The following MUSK variants were observed in gnomAD, a reference collection of about 807,000 sequenced individuals.
MUSK encodes the protein muscle, skeletal receptor tyrosine-protein kinase.
MUSK carries 55 observed loss-of-function variants against 88.7 expected under a neutral mutation model. The observed-to-expected ratio is 0.62, with a 90% confidence interval of 0.50 to 0.78. The LOEUF (loss-of-function observed/expected upper bound fraction) is 0.78, where lower values mean the gene tolerates loss of function less well. MUSK is among the 30% of genes least tolerant of loss of function. The probability of loss-of-function intolerance (pLI) is 0.00; values close to 1 mark genes in which losing one functional copy is unlikely to be tolerated. For missense variants in MUSK, 1,015 were observed against 1,074.3 expected (o/e 0.94, Z 0.77); for synonymous variants, 387 against 391.9 (o/e 0.99, Z 0.15).
intron 5 of MUSK, among the ~76,000 whole-genome samples, chr9:110,700,925 C>T (rs2131730704): frequency 6.6e-6 from 1 of 152,234 alleles, no homozygotes; most frequent in South Asian, 2.1e-4. Context: ...TGGTTACTCT[C>T]CTTAGACAGG....
At chr9:110,787,054 T>C (rs1414546473) in intron 13 of MUSK, among the ~76,000 whole-genome samples, 2 of 152,100 alleles carry the variant, frequency 1.3e-5, no homozygotes, top group Non-Finnish European at 2.9e-5. Flanking sequence ...ATTTAGATTC[T>C]GGACAAAGAT....
rs911320250 is a variant in MUSK at position 110,716,801 on chromosome 9, T to G, written c.629-17450T>G. Among the ~76,000 whole-genome samples, 23 of 150,438 alleles carry G rather than the reference T, an allele frequency of 1.5e-4. 2 individuals carry two copies. Among genetic ancestry groups the G allele is most frequent in the African/African-American group, 5.8e-4 (23 of 39,960 alleles). On this transcript the variant is annotated intron_variant, in intron 5 of 14. Coordinates refer to ENST00000374448, the MANE Select transcript of MUSK (RefSeq NM_005592.4). ...GGCTTTATATGTTTTGAAATTATATTGTTAAGTGCATACACATTAATTATT... is the reference window on the plus strand; with the variant it reads ...GGCTTTATATGTTTTGAAATTATATGGTTAAGTGCATACACATTAATTATT...
At chr9:110,702,910 AT>A (rs139699499) in intron 5 of MUSK, among the ~76,000 whole-genome samples, 12,833 of 151,904 alleles carry the variant, frequency 0.084, 600 homozygotes, top group Non-Finnish European at 0.1. Flanking sequence ...AAAAATAATA[AT>A]AAAAAACCTA....
intron 11 of MUSK, among the ~76,000 whole-genome samples, chr9:110,783,460 A>G (rs2077798095): frequency 6.6e-6 from 1 of 152,054 alleles, no homozygotes; most frequent in South Asian, 2.1e-4. Context: ...GGGGATTAAT[A>G]TGTTCCTATC....
chr9:110,725,039 A>G (rs2131815085), intron 5 of MUSK, among the ~76,000 whole-genome samples: 1 of 152,194 alleles, frequency 6.6e-6, no homozygotes, highest in African/African-American at 2.4e-5. Context: ...GTACACATAT[A>G]TTAACAGTTT....
intron 5 of MUSK, among the ~76,000 whole-genome samples, chr9:110,730,250 G>A (rs2076946026): frequency 6.6e-6 from 1 of 151,956 alleles, no homozygotes. Context: ...CTTACCCACA[G>A]GAAACCAAGT....
chr9:110,678,511 A>AT (rs1554731877), intron 1 of MUSK, among the ~76,000 whole-genome samples: 16 of 151,882 alleles, frequency 1.1e-4, no homozygotes, highest in African/African-American at 3.1e-4. Context: ...TATCTGAAAA[A>AT]CTTTGGGGCA....
At chr9:110,754,491 C>T (rs1355493930) in intron 7 of MUSK, among the ~76,000 whole-genome samples, 1 of 152,172 alleles carries the variant, frequency 6.6e-6, no homozygotes, top group Non-Finnish European at 1.5e-5. Flanking sequence ...TACACCCCCA[C>T]AAAAATAAAA....
At chr9:110,690,191 T>TAA (rs371519925) in intron 3 of MUSK, among the ~76,000 whole-genome samples, 850 of 17,392 alleles carry the variant, frequency 0.049, 67 homozygotes, top group African/African-American at 0.24. Flanking sequence ...TATTTAAGTA[T>TAA]ATATAAATAT....
intron 5 of MUSK, among the ~76,000 whole-genome samples, chr9:110,722,393 GGTGGTACGTGCCTGTA>G (rs1325742866): frequency 6.6e-6 from 1 of 151,992 alleles, no homozygotes; most frequent in African/African-American, 2.4e-5. Context: ...AGCTGGGTGT[GGTGGTACGTGCCTGTA>G]GTCTCAGCTG....
chr9:110,672,264 G>C (rs2075967657), intron 1 of MUSK, among the ~76,000 whole-genome samples: 1 of 152,126 alleles, frequency 6.6e-6, no homozygotes. Context: ...AAAACCTGAT[G>C]TCGTTGAAGG....
At chr9:110,679,974 C>T (rs535293536) in intron 1 of MUSK, among the ~76,000 whole-genome samples, 12 of 152,176 alleles carry the variant, frequency 7.9e-5, no homozygotes, top group African/African-American at 2.4e-4. Context: ...GTTAAAATTG[C>T]AATGGTATTT....
chr9:110,669,025 T>A, intron 1 of MUSK, 42 bp downstream of exon 1: 1 of 1,532,672 alleles, frequency 6.5e-7, no homozygotes, highest in South Asian at 1.1e-5. Context: ...CTTGTCATGG[T>A]TGTAAAGTGT....
chr9:110,722,589 A>C (rs1198618896), intron 5 of MUSK, among the ~76,000 whole-genome samples: 1 of 152,096 alleles, frequency 6.6e-6, no homozygotes, highest in African/African-American at 2.4e-5. Context: ...ACAGCAAAAG[A>C]AATAATCAGC....
chr9:110,748,140 T>C (rs972276452), intron 7 of MUSK: 33 of 394,614 alleles, frequency 8.4e-5, no homozygotes, highest in African/African-American at 5.8e-4. Flanking sequence ...CTTTTTTCCT[T>C]CCTTCTTTCC....
intron 2 of MUSK, among the ~76,000 whole-genome samples, chr9:110,684,182 T>C (rs1810986820): frequency 6.6e-6 from 1 of 152,130 alleles, no homozygotes; most frequent in Non-Finnish European, 1.5e-5. Flanking sequence ...GGGGTCTAGT[T>C]TTATTCTTCT....
intron 5 of MUSK, among the ~76,000 whole-genome samples, chr9:110,733,812 A>C (rs2076994317): frequency 6.6e-6 from 1 of 152,122 alleles, no homozygotes; most frequent in Admixed American, 6.6e-5. Context: ...AAAAATAAAT[A>C]AGGTAATTTC....
intron 11 of MUSK, among the ~76,000 whole-genome samples, chr9:110,781,137 C>T (rs2132007990): frequency 6.6e-6 from 1 of 152,336 alleles, no homozygotes; most frequent in African/African-American, 2.4e-5. Context: ...AAAGGCATCA[C>T]ATCTGCTTAG....
chr9:110,688,379 T>A (rs2076225201), intron 3 of MUSK, among the ~76,000 whole-genome samples: 1 of 152,088 alleles, frequency 6.6e-6, no homozygotes, highest in South Asian at 2.1e-4. Flanking sequence ...TTAAGGCTCA[T>A]ACTTTTAATC....
Sources: gnomAD v4.1 joint callset for allele counts (sites outside exome capture counted in the v4.1 genomes callset) on GRCh38, gnomAD v4.1.1 for gene constraint, MANE v1.5 for transcripts, NCBI Gene and HGNC (gene_info 2026-07-23, HGNC 2026-07-21) for gene names.